The following WDR20 variants were observed in gnomAD, a reference collection of about 807,000 sequenced individuals.
The protein encoded by WDR20 is WD repeat domain 20.
Under a neutral mutation model 38.7 loss-of-function variants are expected in WDR20, and 3 were observed. The ratio of observed to expected loss-of-function variants is 0.08; its 90% CI spans 0.04 to 0.20. The LOEUF (loss-of-function observed/expected upper bound fraction) is 0.20. WDR20 is among the 10% of genes least tolerant of loss of function. The probability of loss-of-function intolerance (pLI) is 1.00; values close to 1 mark genes in which losing one functional copy is unlikely to be tolerated. For synonymous variants in WDR20, 298 were observed against 285.6 expected, an observed-to-expected ratio of 1.04 and a Z score of -0.44; for missense variants, 559 against 727.7, an observed-to-expected ratio of 0.77 and a Z score of 2.67.
At chr14:102,144,221 A>G (rs1029353002) in intron 1 of WDR20, among the ~76,000 whole-genome samples, 1 of 152,004 alleles carries the variant, frequency 6.6e-6, no homozygotes, top group African/African-American at 2.4e-5. Context: ...CATGGCTCAC[A>G]CCTGTAATCT....
intron 1 of WDR20, among the ~76,000 whole-genome samples, chr14:102,154,803 TCAC>T (rs2056976720): frequency 1.3e-5 from 2 of 152,330 alleles, no homozygotes; most frequent in South Asian, 4.1e-4. Flanking sequence ...AATGATAACT[TCAC>T]AGTCTATAAA....
At chr14:102,204,985 G>A (rs552878248) in intron 2 of WDR20, among the ~76,000 whole-genome samples, 4 of 152,338 alleles carry the variant, frequency 2.6e-5, no homozygotes, top group African/African-American at 2.4e-5. Flanking sequence ...GGTGGCTCAC[G>A]CCTTTAATCC....
chr14:102,175,710 T>G (rs933111288), intron 1 of WDR20, among the ~76,000 whole-genome samples: 3 of 152,228 alleles, frequency 2.0e-5, no homozygotes, highest in Non-Finnish European at 4.4e-5. Flanking sequence ...ATTTGTGTCA[T>G]CTGTGATTTC....
chr14:102,171,279 T>TA lies in WDR20; in HGVS notation c.250-23658dup, dbSNP rs1596238788. ...TCTTTTTTTTTTTTTTTTTTTTTTT[T>TA]AGGAGACAGGGTCTTGCTCTGTTAC... On this transcript the variant is annotated intron_variant, in intron 1 of 2. Transcript: ENST00000342702. 13 of 142,330 alleles carry TA rather than the reference T, an allele frequency of 9.1e-5. No homozygotes were observed. In the East Asian group the frequency reaches 2.6e-3, roughly 28 times the overall value. 8.8% of individuals were successfully genotyped at this position (142,330 alleles called of 1,614,324 possible). A position where few individuals can be genotyped will look rare whatever the true frequency, so the allele number is the denominator to read the frequency against.
At chr14:102,196,115 TA>T (rs2059367020) in intron 2 of WDR20, among the ~76,000 whole-genome samples, 1 of 152,242 alleles carries the variant, frequency 6.6e-6, no homozygotes, top group African/African-American at 2.4e-5. Context: ...AAATGGCAGT[TA>T]AAATTTGGAT....
At chr14:102,180,418 C>T (rs1171778779) in intron 1 of WDR20, among the ~76,000 whole-genome samples, 5 of 152,170 alleles carry the variant, frequency 3.3e-5, no homozygotes, top group Non-Finnish European at 1.5e-5. Context: ...TGCACGTTTT[C>T]AACCAGAGCT....
At chr14:102,185,931 G>A (rs911167199) in intron 1 of WDR20, among the ~76,000 whole-genome samples, 7 of 151,888 alleles carry the variant, frequency 4.6e-5, no homozygotes, top group African/African-American at 1.7e-4. Context: ...TCCTTTCTGT[G>A]ACAGATATTC....
intron 1 of WDR20, among the ~76,000 whole-genome samples, chr14:102,186,776 C>T (rs1336470297): frequency 6.6e-6 from 1 of 151,972 alleles, no homozygotes; most frequent in Non-Finnish European, 1.5e-5. Context: ...ATGGTGAAAT[C>T]CCGTCTCTAT....
chr14:102,140,816 G>A (rs1010038621), intron 1 of WDR20, among the ~76,000 whole-genome samples: 1 of 152,230 alleles, frequency 6.6e-6, no homozygotes, highest in Non-Finnish European at 1.5e-5. Flanking sequence ...AGATTGTTAA[G>A]GAGAGTCATC....
At chr14:102,182,831 T>C (rs1478527598) in intron 1 of WDR20, among the ~76,000 whole-genome samples, 1 of 152,164 alleles carries the variant, frequency 6.6e-6, no homozygotes, top group Non-Finnish European at 1.5e-5. Flanking sequence ...TTTGCAAATA[T>C]GTACATGTAA....
chr14:102,185,056 T>C (rs953368398), intron 1 of WDR20, among the ~76,000 whole-genome samples: 5 of 152,232 alleles, frequency 3.3e-5, no homozygotes, highest in African/African-American at 9.6e-5. Context: ...AAGATTATAC[T>C]GGAAGGAAAA....
intron 1 of WDR20, among the ~76,000 whole-genome samples, chr14:102,164,128 C>G (rs1047861587): frequency 6.6e-6 from 1 of 151,782 alleles, no homozygotes; most frequent in African/African-American, 2.4e-5. Context: ...GACTGATACA[C>G]TGGAAGTGCC....
At chr14:102,142,242 A>T (rs1417381386) in intron 1 of WDR20, among the ~76,000 whole-genome samples, 1 of 152,160 alleles carries the variant, frequency 6.6e-6, no homozygotes, top group Non-Finnish European at 1.5e-5. Context: ...TGTGTTGCAG[A>T]TGTTTCTACT....
chr14:102,197,255 A>G (rs2152955918), intron 2 of WDR20, among the ~76,000 whole-genome samples: 1 of 152,312 alleles, frequency 6.6e-6, no homozygotes, highest in Non-Finnish European at 1.5e-5. Context: ...TACAGGACCC[A>G]CCATGCATGG....
intron 2 of WDR20, among the ~76,000 whole-genome samples, chr14:102,197,250 G>A (rs2059565068): frequency 6.6e-6 from 1 of 152,160 alleles, no homozygotes; most frequent in African/African-American, 2.4e-5. Flanking sequence ...TTGGTTACAG[G>A]ACCCACCATG....
intron 1 of WDR20, among the ~76,000 whole-genome samples, chr14:102,173,467 ATTATTATTATTATTT>A (rs1234346361): frequency 1.0e-3 from 55 of 53,056 alleles, no homozygotes; most frequent in South Asian, 9.6e-3. Context: ...TATTATTATT[ATTATTATTATTATTT>A]TTATCAATAG....
At chr14:102,219,111 G>A (rs1021705766), downstream of WDR20, among the ~76,000 whole-genome samples, 4 of 152,238 alleles carry the variant, frequency 2.6e-5, no homozygotes, top group African/African-American at 9.6e-5. Context: ...CTCGAGGGAA[G>A]CTGCAGCCGG....
In WDR20 at chr14:102,207,448, T is replaced by TCTGCCCCTGTGTGCC. The variant is rs1189592149; in HGVS notation, c.433-1153_433-1139dup. Among the ~76,000 whole-genome samples the TCTGCCCCTGTGTGCC allele has an allele frequency of 1.3e-5, 2 of 152,268 alleles. No individual in the cohort carries two copies. Among genetic ancestry groups the TCTGCCCCTGTGTGCC allele is most frequent in the Non-Finnish European group, 2.9e-5 (2 of 68,046 alleles). The stretch of plus-strand genomic sequence containing the variant: ...GAAGTCGGCATGTTTCTTGGCAGAT[T>TCTGCCCCTGTGTGCC]CTGCCCCTGTGTGCCCAGTACCCCT... On this transcript the variant is annotated intron_variant, in intron 2 of 2. Transcript: ENST00000342702. The surrounding 1 kb of genome is among the most constrained non-coding windows in gnomAD (Gnocchi z 5.0).
intron 1 of WDR20, among the ~76,000 whole-genome samples, chr14:102,172,899 C>T (rs183063504): frequency 0.014 from 2,140 of 148,846 alleles, 78 homozygotes; most frequent in African/African-American, 0.048. Flanking sequence ...TCAGATGGGG[C>T]GGCTGGGCAG....
Sources: gnomAD v4.1 joint callset for allele counts (sites outside exome capture counted in the v4.1 genomes callset) on GRCh38, gnomAD v4.1.1 for gene constraint, Gnocchi (gnomAD v3.1) non-coding constraint, MANE v1.5 for transcripts, NCBI Gene and HGNC (gene_info 2026-07-23, HGNC 2026-07-21) for gene names.